The following OTC variants were observed in gnomAD, a reference collection of about 807,000 sequenced individuals.
The protein encoded by OTC is ornithine transcarbamylase, mitochondrial.
A neutral mutation model predicts 30.3 loss-of-function variants in OTC; 3 were observed. The observed-to-expected ratio is 0.10, with a 90% confidence interval of 0.05 to 0.26. The LOEUF (loss-of-function observed/expected upper bound fraction) is 0.26, where lower values mean the gene tolerates loss of function less well. Ranked by LOEUF, OTC falls within the 10% of genes least tolerant of loss-of-function variation. The pLI is 1.00. For missense variants in OTC, 194 were observed against 260.3 expected, an observed-to-expected ratio of 0.75 and a Z score of 1.75; for synonymous variants, 111 against 99.7, an observed-to-expected ratio of 1.11 and a Z score of -0.67.
chrX:38,346,539 C>A, the OTC span, among the ~76,000 whole-genome samples: 1 of 112,209 alleles, frequency 8.9e-6, no homozygotes, highest in African/African-American at 3.2e-5. Flanking sequence ...ACTCCTCAAG[C>A]GGGAAACAAC....
chrX:38,356,050 CAAAAAAAAAAAAAAA>C (rs138806207), intron 1 of OTC, among the ~76,000 whole-genome samples: 1 of 52,694 alleles, frequency 1.9e-5, no homozygotes, highest in African/African-American at 7.7e-5. Context: ...GACTCTGTCT[CAAAAAAAAAAAAAAA>C]AAAAAAAAAA....
chrX:38,378,230 A>G (rs1364731029), intron 3 of OTC, among the ~76,000 whole-genome samples: 1 of 99,051 alleles, frequency 1.0e-5, no homozygotes, highest in African/African-American at 3.7e-5. Flanking sequence ...TGGTTCACCT[A>G]TCCATCTTCC....
At chrX:38,393,082 A>G (rs2068437041) in intron 4 of OTC, among the ~76,000 whole-genome samples, 1 of 112,180 alleles carries the variant, frequency 8.9e-6, no homozygotes, top group South Asian at 3.7e-4. Context: ...TATTTTACCA[A>G]GTCCTCCTGG....
intron 1 of OTC, among the ~76,000 whole-genome samples, chrX:38,364,552 G>A (rs1285809184): frequency 9.0e-6 from 1 of 111,577 alleles, no homozygotes; most frequent in Admixed American, 9.5e-5. Context: ...AGCACTTTGG[G>A]AGGTTGAGGT....
intron 1 of OTC, among the ~76,000 whole-genome samples, chrX:38,355,537 G>A (rs761835796): frequency 2.7e-5 from 3 of 112,233 alleles, no homozygotes; most frequent in Non-Finnish European, 5.6e-5. Context: ...AGCCAGAGGT[G>A]ACTAGTTTTC....
At chrX:38,359,529 C>A (rs1035662097) in intron 1 of OTC, among the ~76,000 whole-genome samples, 11 of 110,042 alleles carry the variant, frequency 1.0e-4, no homozygotes, top group Admixed American at 1.9e-4. Flanking sequence ...AAGTGATTCT[C>A]CTGCCTCAGC....
At chrX:38,345,665 C>T in the OTC span, among the ~76,000 whole-genome samples, 1 of 109,879 alleles carries the variant, frequency 9.1e-6, no homozygotes, top group Non-Finnish European at 1.9e-5. Context: ...CTCAGCCTCC[C>T]GAGTAGCTGG....
chrX:38,361,396 T>C (rs907953551), intron 1 of OTC, among the ~76,000 whole-genome samples: 2 of 112,205 alleles, frequency 1.8e-5, no homozygotes, highest in Non-Finnish European at 3.8e-5. Flanking sequence ...ATTGTTACCC[T>C]GCTGCTGTTT....
At chrX:38,378,111 C>T (rs192767248) in intron 3 of OTC, among the ~76,000 whole-genome samples, 1 of 105,958 alleles carries the variant, frequency 9.4e-6, no homozygotes, top group Non-Finnish European at 1.9e-5. Flanking sequence ...GCTAGGATTA[C>T]AGGCGTGAGC....
chrX:38,420,053 T>C (rs2068587500), intron 9 of OTC, among the ~76,000 whole-genome samples: 1 of 111,611 alleles, frequency 9.0e-6, no homozygotes. Context: ...GATGGATATG[T>C]TCATTAGCTT....
intron 9 of OTC, 30 bp downstream of exon 9, chrX:38,412,029 G>A (rs1484007513): frequency 3.1e-5 from 37 of 1,198,998 alleles, no homozygotes; most frequent in Admixed American, 4.4e-5. Flanking sequence ...TGGAGGATAA[G>A]TTCTTTGTGT....
chrX:38,392,585 A>C (rs2068434140), intron 4 of OTC, among the ~76,000 whole-genome samples: 1 of 112,244 alleles, frequency 8.9e-6, no homozygotes. Context: ...GGTGATTTCT[A>C]GCAATTTTAA....
chrX:38,358,752 G>A (rs1474458975), intron 1 of OTC, among the ~76,000 whole-genome samples: 3 of 108,127 alleles, frequency 2.8e-5, no homozygotes, highest in African/African-American at 1.0e-4. Context: ...CTCCCGAGTA[G>A]CTGGGATTAC....
chrX:38,344,286 G>C, the OTC span, among the ~76,000 whole-genome samples: 1 of 109,242 alleles, frequency 9.2e-6, no homozygotes, highest in South Asian at 4.0e-4. Context: ...CACGTGGAGA[G>C]AAAAAAAGGA....
chrX:38,404,035 G>T (rs1324964012), intron 6 of OTC, among the ~76,000 whole-genome samples: 1 of 112,170 alleles, frequency 8.9e-6, no homozygotes, highest in Admixed American at 9.5e-5. Context: ...ATGATGACTG[G>T]CATTGTGCAT....
At chrX:38,413,675 T>G (rs868796207) in intron 9 of OTC, among the ~76,000 whole-genome samples, 8 of 99,662 alleles carry the variant, frequency 8.0e-5, no homozygotes, top group Middle Eastern at 9.6e-3. Flanking sequence ...ATTTTTTTTT[T>G]TTGTTTTTTT....
At chrX:38,391,414 G>T (rs971464967) in intron 4 of OTC, among the ~76,000 whole-genome samples, 2 of 111,059 alleles carry the variant, frequency 1.8e-5, no homozygotes, top group Non-Finnish European at 3.8e-5. Context: ...CAGTACTAAG[G>T]CACTCTTTAT....
chrX:38,345,663 C>A, the OTC span, among the ~76,000 whole-genome samples: 1 of 110,019 alleles, frequency 9.1e-6, no homozygotes, highest in African/African-American at 3.3e-5. Context: ...GCCTCAGCCT[C>A]CCGAGTAGCT....
the OTC span, among the ~76,000 whole-genome samples, chrX:38,331,029 C>G: frequency 8.9e-6 from 1 of 111,793 alleles, no homozygotes; most frequent in African/African-American, 3.3e-5. Flanking sequence ...TGTTGTACTC[C>G]AGTGCCAGAC....
Sources: allele counts gnomAD v4.1 joint callset (sites outside exome capture counted in the v4.1 genomes callset), GRCh38; gene constraint gnomAD v4.1.1; transcripts MANE v1.5; gene names NCBI Gene and HGNC (gene_info 2026-07-23, HGNC 2026-07-21).